Variants in ZNF331 observed in about 807,000 individuals in gnomAD.
The protein encoded by ZNF331 is zinc finger protein 331.
In ZNF331, 2 loss-of-function variants were observed where a neutral mutation model predicts 7.0. The observed-to-expected ratio is 0.29, with a 90% CI of 0.12 to 0.90. ZNF331 has a LOEUF of 0.90. Ranked by LOEUF, ZNF331 falls within the 40% of genes least tolerant of loss-of-function variation. The pLI is 0.58. For synonymous variants in ZNF331, 196 were observed against 205.4 expected (o/e 0.95, Z 0.39); for missense variants, 432 against 587.7 (o/e 0.74, Z 2.74).
chr19:53,570,876 A>C (rs1363474564), intron 4 of ZNF331, among the ~76,000 whole-genome samples: 1 of 107,998 alleles, frequency 9.3e-6, no homozygotes, highest in Non-Finnish European at 1.9e-5. Context: ...TTTTTTTTTG[A>C]GACAGAGTCT....
intron 3 of ZNF331, among the ~76,000 whole-genome samples, chr19:53,568,504 G>A (rs1372976291): frequency 6.6e-6 from 1 of 152,138 alleles, no homozygotes; most frequent in Non-Finnish European, 1.5e-5. Flanking sequence ...CAGGTCAGCT[G>A]ATACTGCGTG....
intron 2 of ZNF331, among the ~76,000 whole-genome samples, chr19:53,541,868 C>T (rs1029134851): frequency 3.3e-5 from 5 of 152,006 alleles, no homozygotes; most frequent in Non-Finnish European, 7.4e-5. Context: ...AAAAGATTAG[C>T]CAGGCATGGT....
intron 2 of ZNF331, chr19:53,523,357 T>TA (rs1328826359): frequency 6.6e-6 from 1 of 152,070 alleles, no homozygotes; most frequent in Admixed American, 6.6e-5. Flanking sequence ...TAGCTGGAAT[T>TA]ATAGGCACCC....
rs1482602499 is a variant in ZNF331 at position 53,569,299 on chromosome 19, C to T, written c.-73-5C>T. 2 of 1,541,990 alleles carry T rather than the reference C, an allele frequency of 1.3e-6. No individual in the cohort carries two copies. The highest frequency in any genetic ancestry group is 1.8e-6 in the Non-Finnish European group (2 of 1,119,172). On this transcript the variant is annotated splice_region_variant and splice_polypyrimidine_tract_variant and intron_variant, in intron 3 of 5. Transcript: ENST00000449416. ...TCGTTTTAATCTCTTTTTTTCCACC[C>T]CTAGCTCTAGCCTCTCGGAATTTGT...
At chr19:53,522,327 C>A (rs532504789) in intron 1 of ZNF331, among the ~76,000 whole-genome samples, 5 of 149,912 alleles carry the variant, frequency 3.3e-5, no homozygotes, top group Non-Finnish European at 7.4e-5. Context: ...GATCTCGGTT[C>A]CCAGGTTCAA....
intron 2 of ZNF331, chr19:53,555,116 T>C (rs1409712345): frequency 6.5e-6 from 1 of 154,332 alleles, no homozygotes; most frequent in Non-Finnish European, 1.4e-5. Flanking sequence ...GTGACGCAGG[T>C]GTGTGTGACA....
the ZNF331 span, among the ~76,000 whole-genome samples, chr19:53,508,907 G>A: frequency 3.3e-5 from 5 of 152,192 alleles, no homozygotes; most frequent in Non-Finnish European, 5.9e-5. Flanking sequence ...GGGACTGACT[G>A]ATTCTGTGGA....
At position 53,571,536 on chromosome 19, in the gene ZNF331, C is replaced by T; in HGVS notation, c.10-68C>T. The stretch of plus-strand genomic sequence containing the variant: ...GTGTTCACCCTACCCAGAGGGTGGC[C>T]TCCTGTCTCCTTCATCTGGAAGCTG... On this transcript the variant is annotated intron_variant, in intron 4 of 5. Coordinates refer to ENST00000449416, the MANE Select transcript of ZNF331 (RefSeq NM_001079906.2). This position sits in a 1 kb window ranked among gnomAD's most constrained non-coding sequence, Gnocchi z 4.7. The T allele has an allele frequency of 1.3e-6, 2 of 1,588,652 alleles. No individual in the cohort carries two copies. Among genetic ancestry groups the T allele is most frequent in the Admixed American group, 1.7e-5 (1 of 57,792 alleles).
chr19:53,511,244 A>G, the ZNF331 span, among the ~76,000 whole-genome samples: 1 of 151,934 alleles, frequency 6.6e-6, no homozygotes, highest in Non-Finnish European at 1.5e-5. Context: ...ATCTCATACT[A>G]TACAATATGG....
chr19:53,574,574 C>T (rs904439306), intron 5 of ZNF331, among the ~76,000 whole-genome samples: 3 of 152,144 alleles, frequency 2.0e-5, no homozygotes, highest in Non-Finnish European at 4.4e-5. Flanking sequence ...GTCCTCTGCC[C>T]TTTATCATTC....
chr19:53,541,357 C>T (rs1040636511), intron 2 of ZNF331, among the ~76,000 whole-genome samples: 3 of 152,134 alleles, frequency 2.0e-5, no homozygotes, highest in Admixed American at 6.6e-5. Context: ...CTGCCTGCCT[C>T]GGCCTCCCAA....
At chr19:53,512,039 C>T in the ZNF331 span, 2 of 152,396 alleles carry the variant, frequency 1.3e-5, no homozygotes, top group Non-Finnish European at 1.5e-5. Context: ...AGGGGCAGGT[C>T]TTTCTTCTGA....
chr19:53,577,579 C>G lies in ZNF331; in HGVS notation c.1019C>G (p.Ser340Trp), dbSNP rs1050260582. The change falls in exon 6 of 6, where the codon TCG becomes TGG. Residue 340 changes from serine (S) to tryptophan (W), a missense_variant. Physicochemically the swap from Ser to Trp is radical, Grantham distance 177. This residue lies in a region of ZNF331 where 312 missense variants were observed against 448.6 expected (regional missense o/e 0.70). Coordinates refer to ENST00000449416, the MANE Select transcript of ZNF331 (RefSeq NM_001079906.2). Reference sequence around the variant, plus strand: ...TGTGGGAAGGCCTTTCGCTGGGGTTCGAGCCTCGTTAAGCACGAGAGGATA... The same window carrying G: ...TGTGGGAAGGCCTTTCGCTGGGGTTGGAGCCTCGTTAAGCACGAGAGGATA... ...KECGKAFRWG[S>W]SLVKHERIHT... 6.2e-7 allele frequency: 1 copy of G among 1,612,154 alleles called. No homozygotes were observed. The highest frequency in any genetic ancestry group is 1.3e-5 in the African/African-American group (1 of 74,262).
At chr19:53,568,285 G>T (rs901297654) in intron 3 of ZNF331, among the ~76,000 whole-genome samples, 1 of 152,002 alleles carries the variant, frequency 6.6e-6, no homozygotes, top group Non-Finnish European at 1.5e-5. Flanking sequence ...GTCCAGGAGG[G>T]TTCCAGACAC....
rs766959733 is a variant in ZNF331, at chr19:53,577,917, C to G, written c.1357C>G (p.His453Asp). The G allele has an allele frequency of 1.3e-5, 21 of 1,613,394 alleles. No individual in the cohort carries two copies. The highest frequency in any genetic ancestry group is 8.5e-7 in the Non-Finnish European group (1 of 1,179,840). Reference protein sequence around the residue: ...ECGKACNHLNHLREHQRIHNS With the variant: ...ECGKACNHLNDLREHQRIHNS ...CGGGAAGGCATGTAACCACCTAAAC[C>G]ATCTCCGAGAACATCAGAGGATCCA... Residue 453 changes from histidine (H) to aspartate (D), a missense_variant, in exon 6 of 6, where the codon CAT becomes GAT. His to Asp is a moderately conservative substitution (Grantham distance 81). This residue lies in a region of ZNF331 where 312 missense variants were observed against 448.6 expected (regional missense o/e 0.70). Transcript: ENST00000449416.
intron 4 of ZNF331, among the ~76,000 whole-genome samples, chr19:53,569,776 GGTCT>G (rs1350878984): frequency 3.6e-4 from 55 of 152,212 alleles, no homozygotes; most frequent in African/African-American, 1.2e-3. Context: ...CATATTCGCC[GGTCT>G]GTCTTAGTAT....
chr19:53,554,954 T>A (rs2089283113), intron 2 of ZNF331: 1 of 154,434 alleles, frequency 6.5e-6, no homozygotes, highest in Non-Finnish European at 1.4e-5. Context: ...GGATGTGCCT[T>A]TGCACTGTGT....
At position 53,567,811 on chromosome 19, in the gene ZNF331, C is replaced by T. The variant is rs1600461661; in HGVS notation, c.-73-1493C>T. ...TGAGCTGAGATTGTACCACTGCACT[C>T]CAGCCTGGATGAGAGTGAGACCCTG... On this transcript the variant is annotated intron_variant, in intron 3 of 5. Coordinates refer to ENST00000449416, the MANE Select transcript of ZNF331 (RefSeq NM_001079906.2). Among the ~76,000 whole-genome samples, 4 of 150,986 alleles carry T rather than the reference C, an allele frequency of 2.6e-5. No homozygotes were observed. In the South Asian group the frequency reaches 8.4e-4, roughly 32 times the overall value.
At chr19:53,524,394 T>C (rs1813136745) in intron 2 of ZNF331, among the ~76,000 whole-genome samples, 1 of 152,196 alleles carries the variant, frequency 6.6e-6, no homozygotes, top group South Asian at 2.1e-4. Flanking sequence ...TGTAAAAGTG[T>C]TCCTGTTTCT....
Sources: allele counts gnomAD v4.1 joint callset (sites outside exome capture counted in the v4.1 genomes callset), GRCh38; gene constraint gnomAD v4.1.1; regional missense constraint gnomAD v4.1.1; non-coding constraint Gnocchi (gnomAD v3.1); transcripts MANE v1.5; gene names NCBI Gene and HGNC (gene_info 2026-07-23, HGNC 2026-07-21).